Variants in STK17B observed in about 807,000 individuals in gnomAD.
STK17B encodes the protein serine/threonine-protein kinase 17B.
Under a neutral mutation model 42.0 loss-of-function variants are expected in STK17B, and 21 were observed. That is an observed-to-expected ratio of 0.50 (90% CI 0.35 to 0.72). The LOEUF (loss-of-function observed/expected upper bound fraction) is 0.72. STK17B is among the 30% of genes least tolerant of loss of function. STK17B has a pLI of 0.00. For missense variants in STK17B, 349 were observed against 446.0 expected, an observed-to-expected ratio of 0.78 and a Z score of 1.96; for synonymous variants, 143 against 148.4, an observed-to-expected ratio of 0.96 and a Z score of 0.26.
intron 1 of STK17B, among the ~76,000 whole-genome samples, chr2:196,167,098 T>G (rs1366980722): frequency 1.3e-5 from 2 of 152,222 alleles, no homozygotes; most frequent in African/African-American, 4.8e-5. Context: ...CTACTTTCCT[T>G]AAATGGCTAA....
chr2:196,143,022 T>C (rs1391115510), intron 5 of STK17B, among the ~76,000 whole-genome samples: 1 of 152,380 alleles, frequency 6.6e-6, no homozygotes, highest in East Asian at 1.9e-4. Flanking sequence ...TTTGGCACTC[T>C]TCTTCAAAAC....
At chr2:196,147,255 C>A (rs1301090694) in intron 3 of STK17B, among the ~76,000 whole-genome samples, 1 of 152,062 alleles carries the variant, frequency 6.6e-6, no homozygotes, top group Non-Finnish European at 1.5e-5. Context: ...AATACTATTA[C>A]TCTATTTTTA....
upstream of STK17B, among the ~76,000 whole-genome samples, chr2:196,175,216 G>GT (rs1699987319): frequency 6.6e-6 from 1 of 151,906 alleles, no homozygotes; most frequent in Non-Finnish European, 1.5e-5. Context: ...TATACTTACA[G>GT]CATGTCCCAA....
intron 2 of STK17B, 121 bp downstream of exon 2, chr2:196,163,141 G>T: frequency 1.6e-6 from 2 of 1,224,560 alleles, no homozygotes; most frequent in Non-Finnish European, 2.3e-6. Context: ...CAGCAACAGA[G>T]ATCACAACTT....
At chr2:196,170,222 A>G (rs769137757) in intron 1 of STK17B, among the ~76,000 whole-genome samples, 8 of 152,188 alleles carry the variant, frequency 5.3e-5, no homozygotes, top group Non-Finnish European at 1.2e-4. Flanking sequence ...TGGGTTCAAA[A>G]TGCCAGGTTA....
chr2:196,149,874 C>T lies in STK17B; in HGVS notation c.336-3819G>A, dbSNP rs76446576. Among the ~76,000 whole-genome samples the T allele has an allele frequency of 0.02, 3,002 of 152,128 alleles. 256 individuals are homozygous for T. The East Asian group carries it at 0.27, about 14-fold the overall frequency. On this transcript the variant is annotated intron_variant, in intron 3 of 7. Transcript: ENST00000263955. ...GGGAAAGTATCCTCAGAGTTTTTTG[C>T]TTGTTTTAATAATAAGATCAAATAA...
intron 1 of STK17B, among the ~76,000 whole-genome samples, chr2:196,167,235 T>C (rs937675346): frequency 2.0e-5 from 3 of 152,234 alleles, no homozygotes. Flanking sequence ...CTTGGCATAC[T>C]TCTTTACCTC....
chr2:196,147,969 C>T (rs1699606885), intron 3 of STK17B, among the ~76,000 whole-genome samples: 1 of 152,132 alleles, frequency 6.6e-6, no homozygotes, highest in African/African-American at 2.4e-5. Context: ...ACCTCGTGAT[C>T]TGCCCATCTT....
At chr2:196,161,511 CTTTTTTTTTTTTTT>C (rs71009086) in intron 2 of STK17B, among the ~76,000 whole-genome samples, 3 of 69,522 alleles carry the variant, frequency 4.3e-5, no homozygotes, top group Non-Finnish European at 7.4e-5. Context: ...TATTATAATT[CTTTTTTTTTTTTTT>C]TTTTTTTTTT....
At chr2:196,168,392 A>C (rs1364307933) in intron 1 of STK17B, among the ~76,000 whole-genome samples, 4 of 152,246 alleles carry the variant, frequency 2.6e-5, no homozygotes, top group Admixed American at 2.6e-4. Context: ...CAACAAATGC[A>C]TGGTGCTTGT....
intron 4 of STK17B, among the ~76,000 whole-genome samples, chr2:196,145,564 A>G (rs990681217): frequency 6.6e-6 from 1 of 152,202 alleles, no homozygotes; most frequent in Admixed American, 6.5e-5. Flanking sequence ...GATGGAGATT[A>G]CACAATTGAG....
intron 1 of STK17B, among the ~76,000 whole-genome samples, chr2:196,170,611 A>G (rs1421191630): frequency 6.6e-6 from 1 of 152,178 alleles, no homozygotes; most frequent in African/African-American, 2.4e-5. Flanking sequence ...GCTTTTCCCT[A>G]CAATAAAACA....
intron 1 of STK17B, chr2:196,165,729 C>T (rs969453614): frequency 6.6e-6 from 1 of 152,222 alleles, no homozygotes; most frequent in Non-Finnish European, 1.5e-5. Flanking sequence ...AATTGATCTT[C>T]CAGTGCTGCA....
intron 2 of STK17B, among the ~76,000 whole-genome samples, chr2:196,160,207 C>T (rs902491137): frequency 6.6e-6 from 1 of 152,112 alleles, no homozygotes; most frequent in African/African-American, 2.4e-5. Context: ...TACCCTTCTG[C>T]ATTCCCCTTC....
At chr2:196,142,830 T>C (rs991869171) in intron 5 of STK17B, among the ~76,000 whole-genome samples, 2 of 152,244 alleles carry the variant, frequency 1.3e-5, no homozygotes, top group Non-Finnish European at 2.9e-5. Context: ...TGTTTAACTG[T>C]ATCTTTTCAA....
chr2:196,147,984 T>A (rs1490407573), intron 3 of STK17B, among the ~76,000 whole-genome samples: 3 of 152,136 alleles, frequency 2.0e-5, no homozygotes, highest in Non-Finnish European at 4.4e-5. Flanking sequence ...CATCTTGGCC[T>A]CCCAAAGTGT....
chr2:196,170,733 G>C (rs1197759675), intron 1 of STK17B: 1 of 152,280 alleles, frequency 6.6e-6, no homozygotes, highest in Admixed American at 6.5e-5. Flanking sequence ...TCAGATCGCT[G>C]AAAATCACGG....
upstream of STK17B, among the ~76,000 whole-genome samples, chr2:196,173,909 T>TA (rs1228277834): frequency 6.6e-5 from 10 of 151,902 alleles, no homozygotes; most frequent in Admixed American, 6.6e-4. Flanking sequence ...GTAATTAAGG[T>TA]AAAATGAGAT....
intron 5 of STK17B, among the ~76,000 whole-genome samples, chr2:196,142,510 G>A (rs1041929577): frequency 1.3e-5 from 2 of 151,232 alleles, no homozygotes; most frequent in Non-Finnish European, 2.9e-5. Context: ...ATATTATTTC[G>A]AATTAGTACA....
Sources: allele counts gnomAD v4.1 joint callset (sites outside exome capture counted in the v4.1 genomes callset), GRCh38; gene constraint gnomAD v4.1.1; transcripts MANE v1.5; gene names NCBI Gene and HGNC (gene_info 2026-07-23, HGNC 2026-07-21).